SYNGR1: variants seen among roughly 807,000 people sequenced by gnomAD.
The protein encoded by SYNGR1 is synaptogyrin-1.
SYNGR1 carries 14 observed loss-of-function variants against 26.1 expected under a neutral mutation model. The ratio of observed to expected loss-of-function variants is 0.54; its 90% CI spans 0.35 to 0.84. SYNGR1 has a LOEUF of 0.84. Ranked by LOEUF, SYNGR1 falls within the 40% of genes least tolerant of loss-of-function variation. The pLI is 0.01. For missense variants in SYNGR1, 319 were observed against 332.9 expected (o/e 0.96, Z 0.33); for synonymous variants, 141 against 150.1 (o/e 0.94, Z 0.44).
At chr22:39,356,730 G>C (rs1397328948) in intron 1 of SYNGR1, among the ~76,000 whole-genome samples, 1 of 152,200 alleles carries the variant, frequency 6.6e-6, no homozygotes, top group Non-Finnish European at 1.5e-5. Flanking sequence ...AGGCGCAGAG[G>C]AGTGCCTTGG....
chr22:39,376,928 A>G, intron 3 of SYNGR1: 2 of 1,542,378 alleles, frequency 1.3e-6, no homozygotes, highest in Non-Finnish European at 8.7e-7. Flanking sequence ...TGGGCCCAGC[A>G]GGCCCTGGGC....
At chr22:39,376,443 C>T (rs1369382321) in intron 3 of SYNGR1, among the ~76,000 whole-genome samples, 1 of 139,732 alleles carries the variant, frequency 7.2e-6, no homozygotes, top group Non-Finnish European at 1.5e-5. Flanking sequence ...GCAGAGCAGC[C>T]TTCCTGGGGG....
At chr22:39,354,452 C>T (rs8141261) in intron 1 of SYNGR1, among the ~76,000 whole-genome samples, 22,530 of 152,190 alleles carry the variant, frequency 0.15, 3,153 homozygotes, top group African/African-American at 0.36. Context: ...ATCCATGGCA[C>T]CAAGGGGTGG....
intron 1 of SYNGR1, among the ~76,000 whole-genome samples, chr22:39,363,862 T>C (rs1924606126): frequency 6.6e-6 from 1 of 151,932 alleles, no homozygotes; most frequent in South Asian, 2.1e-4. Context: ...AGGTAGACGG[T>C]TCCATTTGGA....
intron 2 of SYNGR1, 97 bp downstream of exon 2, chr22:39,374,650 G>A: frequency 7.7e-7 from 1 of 1,290,472 alleles, no homozygotes; most frequent in Non-Finnish European, 1.1e-6. Context: ...TGTTTCAGAT[G>A]AGGAAATGAG....
chr22:39,352,288 G>T (rs888124891), intron 1 of SYNGR1, among the ~76,000 whole-genome samples: 3 of 152,200 alleles, frequency 2.0e-5, no homozygotes, highest in Admixed American at 6.5e-5. Flanking sequence ...CACTACCTTT[G>T]TCGAACCAAG....
rs1201487982 is a variant in SYNGR1 at position 39,350,561 on chromosome 22, G to T, written c.99+452G>T. 6.6e-6 allele frequency among the ~76,000 whole-genome samples: 1 copy of T among 152,144 alleles called. No homozygotes were observed. The highest frequency in any genetic ancestry group is 2.4e-5 in the African/African-American group (1 of 41,450). The stretch of plus-strand genomic sequence containing the variant: ...GGTGCATGCCGCGCCTGCGATGGAC[G>T]TTGGAGGAGGAGAGGGCCGGGAACC... On this transcript the variant is annotated intron_variant, in intron 1 of 3. Transcript: ENST00000328933. This position sits in a 1 kb window ranked among gnomAD's most constrained non-coding sequence, Gnocchi z 4.3.
At chr22:39,372,939 C>T (rs1925097224) in intron 1 of SYNGR1, among the ~76,000 whole-genome samples, 1 of 152,100 alleles carries the variant, frequency 6.6e-6, no homozygotes, top group Non-Finnish European at 1.5e-5. Context: ...TTCATCAGAG[C>T]AACCAGGGAG....
intron 1 of SYNGR1, chr22:39,364,020 TG>T: frequency 9.9e-7 from 1 of 1,007,146 alleles, no homozygotes. Flanking sequence ...CCATGCTGGC[TG>T]GGCACAGCTC....
In SYNGR1 at chr22:39,381,835, C is replaced by T; in HGVS notation, c.623C>T (p.Ala208Val). The T allele has an allele frequency of 6.2e-7, 1 of 1,613,058 alleles. No individual in the cohort carries two copies. The highest frequency in any genetic ancestry group is 8.5e-7 in the Non-Finnish European group (1 of 1,179,918). ...PYVEPTGPDP[A>V]GMGGTYQQPA... is the part of the protein sequence containing the mutation. ...GTGGAGCCCACTGGGCCGGATCCCG[C>T]CGGTATGGGCGGCACCTACCAGCAG... is the stretch of plus-strand genomic sequence containing the variant. Residue 208 changes from alanine to valine, a missense_variant, in exon 4 of 4, where the codon GCC becomes GTC. Physicochemically the swap from Ala to Val is moderately conservative, Grantham distance 64 (BLOSUM62 0). Transcript: ENST00000328933.
chr22:39,377,259 A>T lies in SYNGR1; in HGVS notation c.483+1062A>T, dbSNP rs955456282. 14 of 985,254 alleles carry T rather than the reference A, an allele frequency of 1.4e-5. No individual in the cohort carries two copies. In the African/African-American group the frequency reaches 2.3e-4, roughly 16 times the overall value. The allele number at this position is 985,254 out of a possible 1,614,324, so 61.0% of individuals were successfully genotyped here. A position where few individuals can be genotyped will look rare whatever the true frequency, so the allele number is the denominator to read the frequency against. On this transcript the variant is annotated intron_variant, in intron 3 of 3. Coordinates refer to ENST00000328933, the MANE Select transcript of SYNGR1 (RefSeq NM_004711.5). ...TTTGAGGGGTACACCCATCTCCCCA[A>T]CAATATTAGAAGATAGCATTTGGAG...
At chr22:39,377,736 A>G (rs921628579) in intron 3 of SYNGR1, 4 of 1,603,414 alleles carry the variant, frequency 2.5e-6, no homozygotes, top group Non-Finnish European at 3.4e-6. Flanking sequence ...CACCCCTGGC[A>G]GTGAGGTGGC....
chr22:39,374,561 C>T lies in SYNGR1; in HGVS notation c.337+8C>T. On this transcript the variant is annotated splice_region_variant and intron_variant, in intron 2 of 3. Transcript: ENST00000328933. ...CCGACATCGGTGTCTCGGGTGAGCC[C>T]CACCCAGCAGGTACCCCCTGCACAG... 1.2e-6 allele frequency: 2 copies of T among 1,612,756 alleles called. No homozygotes were observed. Among genetic ancestry groups the T allele is most frequent in the Non-Finnish European group, 1.7e-6 (2 of 1,179,886 alleles).
At chr22:39,374,755 C>T in intron 2 of SYNGR1, 1 of 628,422 alleles carries the variant, frequency 1.6e-6, no homozygotes, top group Non-Finnish European at 2.8e-6. Flanking sequence ...ATAACCCATG[C>T]TGCCCACAGG....
At chr22:39,358,050 C>A (rs1480869098) in intron 1 of SYNGR1, among the ~76,000 whole-genome samples, 2 of 152,272 alleles carry the variant, frequency 1.3e-5, no homozygotes, top group Non-Finnish European at 2.9e-5. Flanking sequence ...CTAGGTGAAG[C>A]CAGCTGGGCT....
rs1601670948 is a variant in SYNGR1, at chr22:39,383,882, G to T, written c.*1968G>T. On this transcript the variant is annotated 3_prime_UTR_variant, in exon 4 of 4. Transcript: ENST00000328933. The stretch of plus-strand genomic sequence containing the variant: ...GCAGTGGAACACGGATCTAAACTCA[G>T]GTGTGTCCAAGTCCTCCCAAAGGAC... The T allele has an allele frequency of 1.3e-5, 2 of 152,250 alleles. No individual in the cohort carries two copies. 9.4% of individuals were successfully genotyped at this position (152,250 alleles called of 1,614,324 possible).
Position 39,358,275 on chromosome 22 carries a change from G to A in SYNGR1, c.99+8166G>A, listed in dbSNP as rs985224346. Among the ~76,000 whole-genome samples, 3 of 152,344 alleles carry A rather than the reference G, an allele frequency of 2.0e-5. No homozygotes were observed. The East Asian group carries it at 5.8e-4, about 29-fold the overall frequency. ...GGAGAACCTTTGTATCTAGCTCAGG[G>A]ATTGTAAACGCACCAATCAGCGCCC... On this transcript the variant is annotated intron_variant, in intron 1 of 3. Coordinates refer to ENST00000328933, the MANE Select transcript of SYNGR1 (RefSeq NM_004711.5).
At chr22:39,368,990 A>G (rs1924897732) in intron 1 of SYNGR1, among the ~76,000 whole-genome samples, 1 of 152,200 alleles carries the variant, frequency 6.6e-6, no homozygotes, top group Non-Finnish European at 1.5e-5. Flanking sequence ...ATTTTTACAG[A>G]GGACCAATCT....
chr22:39,382,853 CA>C lies in SYNGR1; in HGVS notation c.*940del, dbSNP rs1376262207. On this transcript the variant is annotated 3_prime_UTR_variant, in exon 4 of 4. Transcript: ENST00000328933. ...CTGCGTGTCCCACAGACGCTTGTTC[CA>C]GGGGGCTCCAGCAAACCCCTTCGTG... is the stretch of plus-strand genomic sequence containing the variant. 6.6e-6 allele frequency: 1 copy of C among 152,528 alleles called. No individual in the cohort carries two copies. Among genetic ancestry groups the C allele is most frequent in the East Asian group, 1.9e-4 (1 of 5,220 alleles). The allele number at this position is 152,528 out of a possible 1,614,324, so 9.4% of individuals were successfully genotyped here.
Sources: allele counts gnomAD v4.1 joint callset (sites outside exome capture counted in the v4.1 genomes callset), GRCh38; gene constraint gnomAD v4.1.1; non-coding constraint Gnocchi (gnomAD v3.1); transcripts MANE v1.5; gene names NCBI Gene and HGNC (gene_info 2026-07-23, HGNC 2026-07-21).